Variants in TRAPPC3L observed in about 807,000 individuals in gnomAD.
TRAPPC3L encodes trafficking protein particle complex subunit 3-like protein.
A neutral mutation model predicts 23.7 loss-of-function variants in TRAPPC3L; 23 were observed. The ratio of observed to expected loss-of-function variants is 0.97; its 90% CI spans 0.70 to 1.37. The LOEUF (loss-of-function observed/expected upper bound fraction) is 1.37, where lower values mean the gene tolerates loss of function less well. TRAPPC3L is among the 40% of genes most tolerant of loss of function. TRAPPC3L has a pLI of 0.00. For missense variants in TRAPPC3L, 212 were observed against 216.8 expected (o/e 0.98, Z 0.14); for synonymous variants, 81 against 77.9 (o/e 1.04, Z -0.21).
intron 3 of TRAPPC3L, among the ~76,000 whole-genome samples, chr6:116,510,929 T>C (rs543929947): frequency 2.6e-5 from 4 of 151,796 alleles, no homozygotes; most frequent in African/African-American, 9.6e-5. Context: ...CCAAAAACTG[T>C]AGTTCTCACT....
intron 3 of TRAPPC3L, among the ~76,000 whole-genome samples, chr6:116,515,116 C>T (rs536719945): frequency 6.6e-6 from 1 of 152,252 alleles, no homozygotes; most frequent in East Asian, 1.9e-4. Context: ...CTGATTGTAT[C>T]GTCTGTCTCC....
At chr6:116,524,010 G>C (rs1011446963) in intron 3 of TRAPPC3L, 4 of 152,168 alleles carry the variant, frequency 2.6e-5, no homozygotes, top group African/African-American at 9.7e-5. Flanking sequence ...AGGAAAATAT[G>C]AATGAATATT....
chr6:116,514,122 G>A (rs1040334630), intron 3 of TRAPPC3L, among the ~76,000 whole-genome samples: 2 of 151,984 alleles, frequency 1.3e-5, no homozygotes, highest in African/African-American at 4.8e-5. Context: ...GGCTGGTATG[G>A]AAGCATCCAC....
At chr6:116,520,417 AT>A (rs1187207890) in intron 3 of TRAPPC3L, 2 of 152,164 alleles carry the variant, frequency 1.3e-5, no homozygotes, top group African/African-American at 4.8e-5. Flanking sequence ...GAGGATATTA[AT>A]TTCCTTTGTG....
chr6:116,496,776 T>G lies in TRAPPC3L; in HGVS notation c.*178A>C. ...TGGACATGAGATTGAAAATGCGTGA[T>G]TTATAAGCAAAAGGAAAAAAAAACC... On this transcript the variant is annotated 3_prime_UTR_variant, in exon 5 of 5. Transcript: ENST00000368602. The G allele has an allele frequency of 1.2e-6, 1 of 853,188 alleles. No individual in the cohort carries two copies. The highest frequency in any genetic ancestry group is 1.7e-6 in the Non-Finnish European group (1 of 604,396). 52.9% of individuals were successfully genotyped at this position (853,188 alleles called of 1,614,324 possible). A position where few individuals can be genotyped will look rare whatever the true frequency, so the allele number is the denominator to read the frequency against.
intron 4 of TRAPPC3L, 169 bp from the exon 5 acceptor site, chr6:116,497,242 T>A: frequency 1.2e-6 from 1 of 812,398 alleles, no homozygotes; most frequent in Non-Finnish European, 1.8e-6. Flanking sequence ...ATGGTCCAGC[T>A]GTGTGTCAGC....
chr6:116,530,850 G>GCAT (rs754085252), intron 3 of TRAPPC3L, among the ~76,000 whole-genome samples: 2 of 138,556 alleles, frequency 1.4e-5, no homozygotes, highest in Non-Finnish European at 3.1e-5. Context: ...ACAAACACCA[G>GCAT]CATCAGTAAC....
chr6:116,535,698 C>T (rs187870265), intron 3 of TRAPPC3L, among the ~76,000 whole-genome samples: 79 of 152,276 alleles, frequency 5.2e-4, no homozygotes, highest in Admixed American at 3.1e-3. Context: ...CAACTAAAAT[C>T]AGCTATGGTA....
chr6:116,513,215 T>G (rs1772159896), intron 3 of TRAPPC3L, among the ~76,000 whole-genome samples: 1 of 152,166 alleles, frequency 6.6e-6, no homozygotes, highest in Non-Finnish European at 1.5e-5. Flanking sequence ...TAACAACAAA[T>G]CAAGGCAAAA....
At chr6:116,497,198 G>A in intron 4 of TRAPPC3L, 125 bp from the exon 5 acceptor site, 1 of 1,224,438 alleles carries the variant, frequency 8.2e-7, no homozygotes, top group Non-Finnish European at 1.1e-6. Context: ...GCTTGTTCGT[G>A]GATAAAGGGC....
At chr6:116,502,562 A>T (rs980992804) in intron 3 of TRAPPC3L, among the ~76,000 whole-genome samples, 3 of 152,194 alleles carry the variant, frequency 2.0e-5, no homozygotes, top group Non-Finnish European at 4.4e-5. Flanking sequence ...CAACCCCAAG[A>T]CACATAATTG....
At chr6:116,523,490 G>C (rs895330121) in intron 3 of TRAPPC3L, 4 of 152,018 alleles carry the variant, frequency 2.6e-5, no homozygotes, top group African/African-American at 9.7e-5. Context: ...TGTTTGTAGG[G>C]CTTTTCAGAA....
chr6:116,539,557 G>A (rs1773300949), intron 3 of TRAPPC3L, among the ~76,000 whole-genome samples: 1 of 152,080 alleles, frequency 6.6e-6, no homozygotes, highest in Non-Finnish European at 1.5e-5. Context: ...CTATTTCAGA[G>A]GGTTACTGTG....
rs376372334 is a variant in TRAPPC3L, at chr6:116,532,177, G to A, written c.240+8186C>T. Among the ~76,000 whole-genome samples, 8 of 152,196 alleles carry A rather than the reference G, an allele frequency of 5.3e-5. No homozygotes were observed. The East Asian group carries it at 7.7e-4, about 15-fold the overall frequency. On this transcript the variant is annotated intron_variant, in intron 3 of 4. Transcript: ENST00000368602. ...AGGAGTCTTTCATTTAAAGACAAAT[G>A]TGGAGCACTGCCCTCTTCTGGACAG...
chr6:116,515,768 C>A (rs370596480), intron 3 of TRAPPC3L: 2 of 1,613,894 alleles, frequency 1.2e-6, no homozygotes, highest in African/African-American at 1.3e-5. Context: ...TGCCAACAAG[C>A]TGAGCGAGAG....
chr6:116,504,640 C>A (rs556171519), intron 3 of TRAPPC3L, among the ~76,000 whole-genome samples: 1 of 152,298 alleles, frequency 6.6e-6, no homozygotes, highest in South Asian at 2.1e-4. Context: ...CAGTAAGATA[C>A]TGGCAAACCG....
At position 116,500,576 on chromosome 6, in the gene TRAPPC3L, G is replaced by T. The variant is rs1483191360; in HGVS notation, c.331C>A (p.Pro111Thr). The change falls in exon 4 of 5, where the codon CCC (proline) becomes ACC (threonine). Residue 111 changes from proline (P) to threonine (T), a missense_variant. By Grantham distance (38) the Pro-to-Thr change is conservative. Coordinates refer to ENST00000368602, the MANE Select transcript of TRAPPC3L (RefSeq NM_001139444.3). The stretch of plus-strand genomic sequence containing the variant: ...AGCTCTTCCACAAACTCCACCAGGG[G>T]ATTCTTCTCTAGAATCAGGGAAAAT... Reference protein sequence around the residue: ...NEFSLILEKNPLVEFVEELPA... With the variant: ...NEFSLILEKNTLVEFVEELPA... 5 of 1,551,604 alleles carry T rather than the reference G, an allele frequency of 3.2e-6. No homozygotes were observed. In the Admixed American group the frequency reaches 5.9e-5, roughly 18 times the overall value.
At chr6:116,537,680 C>T (rs796687105) in intron 3 of TRAPPC3L, among the ~76,000 whole-genome samples, 1 of 152,076 alleles carries the variant, frequency 6.6e-6, no homozygotes, top group African/African-American at 2.4e-5. Context: ...CTCGAGGAGC[C>T]CTTAAATGCA....
At position 116,519,882 on chromosome 6, in the gene TRAPPC3L, G is replaced by T. The variant is rs1049820007; in HGVS notation, c.241-19216C>A. On this transcript the variant is annotated intron_variant, in intron 3 of 4. Coordinates refer to ENST00000368602, the MANE Select transcript of TRAPPC3L (RefSeq NM_001139444.3). ...CTGTGCAGTTCCTTCCTTTTTTCAG[G>T]CTCAACCACTTAATTCAGCTTTAGG... The T allele has an allele frequency of 2.0e-5, 3 of 151,870 alleles. No homozygotes were observed. The East Asian group carries it at 5.8e-4, about 29-fold the overall frequency. The allele number at this position is 151,870 out of a possible 1,614,324, so 9.4% of individuals were successfully genotyped here. A position where few individuals can be genotyped will look rare whatever the true frequency, so the allele number is the denominator to read the frequency against.
Sources: gnomAD v4.1 joint callset for allele counts (sites outside exome capture counted in the v4.1 genomes callset) on GRCh38, gnomAD v4.1.1 for gene constraint, MANE v1.5 for transcripts, NCBI Gene and HGNC (gene_info 2026-07-23, HGNC 2026-07-21) for gene names.